Variants in MARCHF6 observed in about 807,000 individuals in gnomAD.
MARCHF6 encodes the protein membrane associated ring-CH-type finger 6, also known as E3 ubiquitin-protein ligase MARCHF6.
MARCHF6 carries 31 observed loss-of-function variants against 133.7 expected under a neutral mutation model. The ratio of observed to expected loss-of-function variants is 0.23; its 90% CI spans 0.17 to 0.31. MARCHF6 has a LOEUF of 0.31. Among genes scored for constraint, MARCHF6 ranks in the 10% least tolerant of loss-of-function variants. The pLI is 1.00. For synonymous variants in MARCHF6, 395 were observed against 402.5 expected (o/e 0.98, Z 0.22); for missense variants, 723 against 1,121.6 (o/e 0.64, Z 5.08).
At chr5:10,362,567 ACT>A (rs1357195074) in intron 1 of MARCHF6, among the ~76,000 whole-genome samples, 3 of 152,224 alleles carry the variant, frequency 2.0e-5, no homozygotes, top group East Asian at 1.9e-4. Flanking sequence ...GTAACAATAA[ACT>A]CAATATATGT....
chr5:10,435,658 TATATATATATATATATATATATATATA>T lies in MARCHF6; in HGVS notation c.*1975_*2001del, dbSNP rs1740593392. On this transcript the variant is annotated 3_prime_UTR_variant, in exon 26 of 26. Transcript: ENST00000274140. The stretch of plus-strand genomic sequence containing the variant: ...ATATAACTATATATATATATATATA[TATATATATATATATATATATATATATA>T]TATATATATATATTTTTTTTTTTTT... 2.1e-4 allele frequency: 1 copy of T among 4,862 alleles called. No homozygotes were observed. Among genetic ancestry groups the T allele is most frequent in the African/African-American group, 1.5e-3 (1 of 676 alleles). The allele number at this position is 4,862 out of a possible 1,614,324, so 0.3% of individuals were successfully genotyped here. A position where few individuals can be genotyped will look rare whatever the true frequency, so the allele number is the denominator to read the frequency against.
At chr5:10,417,558 C>A (rs763395727) in intron 22 of MARCHF6, 154 bp downstream of exon 22, 3 of 894,838 alleles carry the variant, frequency 3.4e-6, no homozygotes, top group Non-Finnish European at 5.2e-6. Flanking sequence ...CCAGCCTGGG[C>A]AGCATGGCAA....
chr5:10,405,366 C>T (rs969743368), intron 15 of MARCHF6, among the ~76,000 whole-genome samples, 192 bp from the exon 16 acceptor site: 1 of 151,852 alleles, frequency 6.6e-6, no homozygotes, highest in African/African-American at 2.4e-5. Flanking sequence ...AGGACATCAT[C>T]AGACACAGGG....
At chr5:10,416,603 A>G (rs552022715) in intron 21 of MARCHF6, among the ~76,000 whole-genome samples, 1 of 152,348 alleles carries the variant, frequency 6.6e-6, no homozygotes, top group East Asian at 1.9e-4. Flanking sequence ...TCTCTTGTTG[A>G]AACAGGTGTG....
intron 22 of MARCHF6, among the ~76,000 whole-genome samples, chr5:10,418,353 C>T (rs1255698636): frequency 4.7e-5 from 7 of 150,170 alleles, no homozygotes; most frequent in Non-Finnish European, 8.9e-5. Flanking sequence ...GCACTCCAGC[C>T]CGGGCGACAA....
At chr5:10,369,613 C>CTA (rs140277872) in intron 1 of MARCHF6, among the ~76,000 whole-genome samples, 1 of 90,130 alleles carries the variant, frequency 1.1e-5, no homozygotes, top group African/African-American at 4.3e-5. Flanking sequence ...ACCCCCCCCC[C>CTA]CCCTTGCAAA....
Position 10,429,904 on chromosome 5 carries a change from G to A in MARCHF6, c.2518G>A (p.Glu840Lys), listed in dbSNP as rs536045456. The part of the protein sequence containing the change: ...GVVPLLGVTA[E>K]MQNLVHRRIY... The stretch of plus-strand genomic sequence containing the variant: ...TTTTGGTTTTCTAGGTGTTACTGCG[G>A]AAATGCAAAACTTAGTCCATCGGCG... The change falls in exon 25 of 26, where the codon GAA becomes AAA. Residue 840 changes from glutamate (E) to lysine (K), a missense_variant. Coordinates refer to ENST00000274140, the MANE Select transcript of MARCHF6 (RefSeq NM_005885.4). The A allele has an allele frequency of 2.5e-6, 4 of 1,611,856 alleles. No individual in the cohort carries two copies. The South Asian group carries it at 4.4e-5, about 18-fold the overall frequency.
intron 15 of MARCHF6, among the ~76,000 whole-genome samples, chr5:10,404,065 T>G (rs1294472159): frequency 6.6e-6 from 1 of 150,636 alleles, no homozygotes; most frequent in African/African-American, 2.4e-5. Flanking sequence ...ATTTATTTAT[T>G]TATTTATTTA....
intron 24 of MARCHF6, among the ~76,000 whole-genome samples, chr5:10,429,243 T>C (rs974847419): frequency 5.9e-5 from 9 of 152,202 alleles, no homozygotes; most frequent in Non-Finnish European, 1.5e-5. Context: ...GAGTTAAATA[T>C]AGAAAAATAA....
rs963376923 is a variant in MARCHF6 at position 10,432,016 on chromosome 5, CAAAA to C, written c.2643-1577_2643-1574del. On this transcript the variant is annotated intron_variant, in intron 25 of 25. Transcript: ENST00000274140. The stretch of plus-strand genomic sequence containing the variant: ...CTAACTTCAAGAAAAGAAGGTAAGA[CAAAA>C]GAAAAGGAATAAAACAGTGACATTA... 1.1e-4 allele frequency among the ~76,000 whole-genome samples: 16 copies of C among 151,944 alleles called. 1 individual carries two copies. Among genetic ancestry groups the C allele is most frequent in the African/African-American group, 3.9e-4 (16 of 41,420 alleles).
intron 1 of MARCHF6, among the ~76,000 whole-genome samples, chr5:10,376,228 G>A (rs892162158): frequency 6.6e-6 from 1 of 152,140 alleles, no homozygotes; most frequent in African/African-American, 2.4e-5. Context: ...AACACTCACC[G>A]TGAAGATCTG....
intron 25 of MARCHF6, among the ~76,000 whole-genome samples, chr5:10,430,668 A>G (rs1336702749): frequency 6.6e-6 from 1 of 152,172 alleles, no homozygotes. Context: ...CTGGTCTGAC[A>G]GTATATTAAA....
At position 10,439,534 on chromosome 5, in the gene MARCHF6, A is replaced by C. The variant is rs1740777906; in HGVS notation, c.*5850A>C. ...AGAGTGGCAGAAAAATATTTGCAAAACATTTCTGATAAATGAGTTGCATCT... is the reference window on the plus strand; with the variant it reads ...AGAGTGGCAGAAAAATATTTGCAAACCATTTCTGATAAATGAGTTGCATCT... On this transcript the variant is annotated 3_prime_UTR_variant, in exon 26 of 26. Coordinates refer to ENST00000274140, the MANE Select transcript of MARCHF6 (RefSeq NM_005885.4). 1 of 152,220 alleles carries C rather than the reference A, an allele frequency of 6.6e-6. No homozygotes were observed. Among genetic ancestry groups the C allele is most frequent in the African/African-American group, 2.4e-5 (1 of 41,458 alleles). The allele number at this position is 152,220 out of a possible 1,614,324, so 9.4% of individuals were successfully genotyped here. A position where few individuals can be genotyped will look rare whatever the true frequency, so the allele number is the denominator to read the frequency against.
chr5:10,415,818 C>T, intron 21 of MARCHF6, 149 bp downstream of exon 21: 3 of 686,504 alleles, frequency 4.4e-6, no homozygotes, highest in Non-Finnish European at 7.1e-6. Flanking sequence ...AATACTCTTT[C>T]AAGATAGTGG....
intron 4 of MARCHF6, among the ~76,000 whole-genome samples, chr5:10,386,676 TTTATA>T (rs1191152296): frequency 6.6e-6 from 1 of 152,208 alleles, no homozygotes; most frequent in East Asian, 1.9e-4. Flanking sequence ...TAAAAAATTC[TTTATA>T]TTATAATTTT....
rs1735252225 is a variant in MARCHF6, at chr5:10,353,831, C to A, written c.-68C>A. ...CCCGGGCCCGGCTCCCTCCTCCTCT[C>A]CCCTCCCTCTTTCCCCGCCCGGCCG... On this transcript the variant is annotated 5_prime_UTR_variant, in exon 1 of 26. Coordinates refer to ENST00000274140, the MANE Select transcript of MARCHF6 (RefSeq NM_005885.4). The A allele has an allele frequency of 2.7e-6, 4 of 1,464,004 alleles. No homozygotes were observed. Among genetic ancestry groups the A allele is most frequent in the Middle Eastern group, 3.4e-4 (2 of 5,814 alleles). The allele number at this position is 1,464,004 out of a possible 1,614,324, so 90.7% of individuals were successfully genotyped here. A position where few individuals can be genotyped will look rare whatever the true frequency, so the allele number is the denominator to read the frequency against.
At chr5:10,385,042 G>A (rs950221550) in intron 4 of MARCHF6, among the ~76,000 whole-genome samples, 3 of 152,202 alleles carry the variant, frequency 2.0e-5, no homozygotes, top group African/African-American at 7.2e-5. Flanking sequence ...TTGTGACATG[G>A]AATAACATGG....
At chr5:10,362,662 G>C (rs192044967) in intron 1 of MARCHF6, among the ~76,000 whole-genome samples, 12 of 152,276 alleles carry the variant, frequency 7.9e-5, no homozygotes. Flanking sequence ...TAAGTGTTTT[G>C]GTTAGTGTAT....
chr5:10,401,193 A>G (rs938172132), intron 11 of MARCHF6: 2 of 195,412 alleles, frequency 1.0e-5, no homozygotes, highest in African/African-American at 2.3e-5. Flanking sequence ...GTAACAATAT[A>G]TCAATCAATT....
Sources: gnomAD v4.1 joint callset for allele counts (sites outside exome capture counted in the v4.1 genomes callset) on GRCh38, gnomAD v4.1.1 for gene constraint, MANE v1.5 for transcripts, NCBI Gene and HGNC (gene_info 2026-07-23, HGNC 2026-07-21) for gene names.